Variants in SRGAP2 observed in about 807,000 individuals in gnomAD.
SRGAP2 encodes SLIT-ROBO Rho GTPase activating protein 2.
Under a neutral mutation model 57.2 loss-of-function variants are expected in SRGAP2, and 15 were observed. That is an observed-to-expected ratio of 0.26 (90% CI 0.18 to 0.40). The LOEUF (loss-of-function observed/expected upper bound fraction) is 0.40, where lower values mean the gene tolerates loss of function less well. Among genes scored for constraint, SRGAP2 ranks in the 10% least tolerant of loss-of-function variants. The pLI, the probability that SRGAP2 is intolerant of heterozygous loss-of-function variation, is 1.00. For synonymous variants in SRGAP2, 249 were observed against 248.0 expected, an observed-to-expected ratio of 1.00 and a Z score of -0.04; for missense variants, 520 against 669.6, an observed-to-expected ratio of 0.78 and a Z score of 2.47.
chr1:206,448,542 C>A (rs940172605), intron 18 of SRGAP2, among the ~76,000 whole-genome samples: 1 of 152,172 alleles, frequency 6.6e-6, no homozygotes, highest in Admixed American at 6.5e-5. Flanking sequence ...GTCCCTGGAC[C>A]AACAGCATCT....
intron 10 of SRGAP2, among the ~76,000 whole-genome samples, chr1:206,408,879 T>TA (rs1553358351): frequency 3.3e-5 from 5 of 152,060 alleles, no homozygotes; most frequent in Non-Finnish European, 1.5e-5. Flanking sequence ...TAGTGCCACT[T>TA]ATCAAAATTG....
chr1:206,355,475 G>A (rs1459163101), intron 4 of SRGAP2, among the ~76,000 whole-genome samples: 3 of 152,128 alleles, frequency 2.0e-5, no homozygotes, highest in Admixed American at 6.5e-5. Context: ...ATAGGGCTGT[G>A]ATAGTCTGAC....
At chr1:206,404,430 GT>G (rs1658500816) in intron 8 of SRGAP2, among the ~76,000 whole-genome samples, 1 of 152,138 alleles carries the variant, frequency 6.6e-6, no homozygotes, top group Non-Finnish European at 1.5e-5. Flanking sequence ...AGGACGAACG[GT>G]AACAAGGTGA....
intron 3 of SRGAP2, among the ~76,000 whole-genome samples, chr1:206,319,140 G>C (rs1673270666): frequency 6.6e-6 from 1 of 151,226 alleles, no homozygotes; most frequent in African/African-American, 2.5e-5. Context: ...TGCCGGGTGC[G>C]GTGGCTCACG....
At chr1:206,440,323 G>T (rs77545831) in intron 17 of SRGAP2, among the ~76,000 whole-genome samples, 1,884 of 152,260 alleles carry the variant, frequency 0.012, 21 homozygotes, top group South Asian at 0.026. Context: ...TAGAATAAGT[G>T]CTTAGAAGAA....
At chr1:206,407,866 CAT>C (rs2103173389) in intron 10 of SRGAP2, 1 of 145,322 alleles carries the variant, frequency 6.9e-6, no homozygotes, top group South Asian at 2.2e-4. Flanking sequence ...CAATCTAAGT[CAT>C]ATAATTATAA....
intron 2 of SRGAP2, among the ~76,000 whole-genome samples, chr1:206,262,285 C>T (rs1286750999): frequency 5.6e-3 from 731 of 131,540 alleles, no homozygotes; most frequent in African/African-American, 0.013. Flanking sequence ...AGAGTGATAT[C>T]TACCATGCAG....
intron 3 of SRGAP2, among the ~76,000 whole-genome samples, chr1:206,328,336 C>T (rs2102864412): frequency 8.6e-6 from 1 of 116,444 alleles, no homozygotes; most frequent in African/African-American, 4.0e-5. Flanking sequence ...AATGCGATGG[C>T]TGGGTCAAAT....
intron 4 of SRGAP2, among the ~76,000 whole-genome samples, chr1:206,363,996 C>T (rs1571963570): frequency 2.0e-5 from 3 of 148,624 alleles, no homozygotes. Context: ...CGGATTTTAC[C>T]AAGAGAGTGC....
At chr1:206,314,254 C>A (rs1287968988) in intron 3 of SRGAP2, among the ~76,000 whole-genome samples, 1 of 151,840 alleles carries the variant, frequency 6.6e-6, no homozygotes, top group Non-Finnish European at 1.5e-5. Context: ...CCTGCCTCAG[C>A]CTCCTGAGTA....
Position 206,458,971 on chromosome 1 carries a change from C to G in SRGAP2, c.2832+24C>G, listed in dbSNP as rs1271571114. On this transcript the variant is annotated intron_variant, in intron 22 of 22. Coordinates refer to ENST00000573034, the MANE Select transcript of SRGAP2 (RefSeq NM_015326.5). ...AGGTAACTGTGGGCTCCTGGACAGA[C>G]AGCATGAGTCTACATTCATCACTAC... 9 of 727,718 alleles carry G rather than the reference C, an allele frequency of 1.2e-5. No individual in the cohort carries two copies. In the East Asian group the frequency reaches 2.3e-4, roughly 19 times the overall value. 45.1% of individuals were successfully genotyped at this position (727,718 alleles called of 1,614,324 possible).
At chr1:206,412,955 C>G (rs1269092720) in intron 10 of SRGAP2, among the ~76,000 whole-genome samples, 3 of 152,218 alleles carry the variant, frequency 2.0e-5, no homozygotes, top group Non-Finnish European at 4.4e-5. Context: ...GGATACAGTT[C>G]ATACCTTGAC....
intron 2 of SRGAP2, among the ~76,000 whole-genome samples, chr1:206,229,688 T>C (rs1667499961): frequency 6.6e-6 from 1 of 152,174 alleles, no homozygotes; most frequent in African/African-American, 2.4e-5. Context: ...CACTTTTTTT[T>C]GTCCTCTCAG....
rs1157679535 is a variant in SRGAP2, at chr1:206,333,997, A to G, written c.261-8849A>G. Among the ~76,000 whole-genome samples, 3 of 152,296 alleles carry G rather than the reference A, an allele frequency of 2.0e-5. No individual in the cohort carries two copies. The East Asian group carries it at 5.8e-4, about 29-fold the overall frequency. On this transcript the variant is annotated intron_variant, in intron 3 of 22. Coordinates refer to ENST00000573034, the MANE Select transcript of SRGAP2 (RefSeq NM_015326.5). ...TGGTTAATAATATGCTGTAATTTAG[A>G]GCACACAAGCCAATGGACATACAAA...
intron 16 of SRGAP2, among the ~76,000 whole-genome samples, chr1:206,439,488 G>A (rs963852415): frequency 6.6e-6 from 1 of 151,952 alleles, no homozygotes; most frequent in African/African-American, 2.4e-5. Flanking sequence ...TCTTCCCACC[G>A]AGAAGTAGGC....
intron 2 of SRGAP2, among the ~76,000 whole-genome samples, chr1:206,270,835 T>C (rs1670140735): frequency 3.5e-5 from 1 of 28,578 alleles, no homozygotes; most frequent in Non-Finnish European, 7.0e-5. Context: ...CTCAGAGGTA[T>C]AGACCTTTGG....
At chr1:206,275,850 C>G (rs1359619177) in intron 2 of SRGAP2, among the ~76,000 whole-genome samples, 4 of 152,058 alleles carry the variant, frequency 2.6e-5, no homozygotes, top group African/African-American at 9.7e-5. Flanking sequence ...CTCTTGACCT[C>G]GTGATCCACC....
chr1:206,309,594 A>G (rs1338809574), intron 3 of SRGAP2, among the ~76,000 whole-genome samples: 1 of 151,712 alleles, frequency 6.6e-6, no homozygotes, highest in Non-Finnish European at 1.5e-5. Flanking sequence ...GAGGTGACCC[A>G]GTGTCTCTAC....
At chr1:206,227,050 GA>G (rs1369959396) in intron 2 of SRGAP2, among the ~76,000 whole-genome samples, 14 of 152,022 alleles carry the variant, frequency 9.2e-5, no homozygotes, top group African/African-American at 3.4e-4. Context: ...CTGCCAAGTT[GA>G]GCACATTGGG....
Sources: gnomAD v4.1 joint callset for allele counts (sites outside exome capture counted in the v4.1 genomes callset) on GRCh38, gnomAD v4.1.1 for gene constraint, MANE v1.5 for transcripts, NCBI Gene and HGNC (gene_info 2026-07-23, HGNC 2026-07-21) for gene names.